The following ARHGAP44 variants were observed in gnomAD, a reference collection of about 807,000 sequenced individuals.
ARHGAP44 encodes the protein Rho GTPase activating protein 44.
ARHGAP44 carries 43 observed loss-of-function variants against 106.8 expected under a neutral mutation model. The observed-to-expected ratio is 0.40, with a 90% CI of 0.32 to 0.52. ARHGAP44 has a LOEUF of 0.52. Among genes scored for constraint, ARHGAP44 ranks in the 20% least tolerant of loss-of-function variants. The pLI is 0.48. For missense variants in ARHGAP44, 866 were observed against 1,050.5 expected (o/e 0.82, Z 2.43); for synonymous variants, 439 against 410.3 (o/e 1.07, Z -0.85).
intron 1 of ARHGAP44, among the ~76,000 whole-genome samples, chr17:12,848,544 A>AT (rs143738684): frequency 0.041 from 6,278 of 151,978 alleles, 188 homozygotes; most frequent in East Asian, 0.13. Flanking sequence ...AAAACCCGTG[A>AT]TTTTTTTTAA....
At chr17:12,892,640 A>T (rs916847529) in intron 1 of ARHGAP44, among the ~76,000 whole-genome samples, 5 of 152,004 alleles carry the variant, frequency 3.3e-5, no homozygotes, top group African/African-American at 1.2e-4. Context: ...CTTTTGTTAT[A>T]GCCCCACAGG....
At chr17:12,915,235 C>T (rs2037871695) in intron 4 of ARHGAP44, among the ~76,000 whole-genome samples, 1 of 152,144 alleles carries the variant, frequency 6.6e-6, no homozygotes, top group Non-Finnish European at 1.5e-5. Flanking sequence ...GGCGGGGTTT[C>T]ACCATGTTGC....
At chr17:12,948,392 G>A (rs765048144) in intron 10 of ARHGAP44, among the ~76,000 whole-genome samples, 35 of 152,112 alleles carry the variant, frequency 2.3e-4, no homozygotes, top group African/African-American at 7.2e-4. Flanking sequence ...AGTGTAGGCC[G>A]GGTGCTGTGG....
intron 1 of ARHGAP44, among the ~76,000 whole-genome samples, chr17:12,859,071 G>GT (rs1387627822): frequency 1.3e-5 from 2 of 152,170 alleles, no homozygotes; most frequent in African/African-American, 4.8e-5. Flanking sequence ...TGAGATTTGG[G>GT]TGGGGACACA....
Position 12,955,631 on chromosome 17 carries a change from G to T in ARHGAP44, c.1137-236G>T, listed in dbSNP as rs2039107753. 6.8e-6 allele frequency: 3 copies of T among 439,894 alleles called. No homozygotes were observed. In the Admixed American group the frequency reaches 1.1e-4, roughly 16 times the overall value. 27.2% of individuals were successfully genotyped at this position (439,894 alleles called of 1,614,324 possible). A position where few individuals can be genotyped will look rare whatever the true frequency, so the allele number is the denominator to read the frequency against. On this transcript the variant is annotated intron_variant, in intron 13 of 20. Coordinates refer to ENST00000379672, the MANE Select transcript of ARHGAP44 (RefSeq NM_014859.6). ...AGGAAAGAAGGAGACTTTCTGGCCA[G>T]TGTTAGTTGAAGCAGATGTCGACAC...
At chr17:12,903,122 GAGA>G (rs2037433913) in intron 3 of ARHGAP44, among the ~76,000 whole-genome samples, 3 of 82,644 alleles carry the variant, frequency 3.6e-5, no homozygotes, top group African/African-American at 5.0e-5. Context: ...GAGAGAGAGA[GAGA>G]GGAGAGAGAG....
At chr17:12,814,195 C>T (rs1008175793) in intron 1 of ARHGAP44, among the ~76,000 whole-genome samples, 2 of 150,592 alleles carry the variant, frequency 1.3e-5, no homozygotes, top group African/African-American at 4.9e-5. Context: ...CCAGGTCACA[C>T]ACCCTTCCCT....
In ARHGAP44 at chr17:12,799,723, G is replaced by A. The variant is rs1448452309; in HGVS notation, c.53+9832G>A. Among the ~76,000 whole-genome samples the A allele has an allele frequency of 5.3e-5, 8 of 152,068 alleles. No individual in the cohort carries two copies. The East Asian group carries it at 5.8e-4, about 11-fold the overall frequency. ...ATGCTCACTGCAAACTCTGCCTCCC[G>A]GGTTCAAGTGATTCTTCTGCCTCAG... On this transcript the variant is annotated intron_variant, in intron 1 of 20. Coordinates refer to ENST00000379672, the MANE Select transcript of ARHGAP44 (RefSeq NM_014859.6).
intron 1 of ARHGAP44, among the ~76,000 whole-genome samples, chr17:12,864,471 G>T (rs940776116): frequency 3.9e-5 from 6 of 152,030 alleles, no homozygotes; most frequent in African/African-American, 1.5e-4. Context: ...ATGAGTATTT[G>T]CATCTAGTAT....
chr17:12,800,137 C>T lies in ARHGAP44; in HGVS notation c.53+10246C>T, dbSNP rs75892264. Among the ~76,000 whole-genome samples the T allele has an allele frequency of 4.9e-3, 745 of 152,220 alleles. 32 individuals are homozygous for T. In the East Asian group the frequency reaches 0.087, roughly 18 times the overall value. ...GACAGTTATTACCAATATTCCTTGC[C>T]GTGCTGAAAGTGTCTTTGACATGAA... On this transcript the variant is annotated intron_variant, in intron 1 of 20. Coordinates refer to ENST00000379672, the MANE Select transcript of ARHGAP44 (RefSeq NM_014859.6).
At chr17:12,881,333 C>G (rs1798192350) in intron 1 of ARHGAP44, among the ~76,000 whole-genome samples, 1 of 151,852 alleles carries the variant, frequency 6.6e-6, no homozygotes, top group Non-Finnish European at 1.5e-5. Flanking sequence ...TGGTATTTGA[C>G]TTTTGTGTAC....
At chr17:12,827,818 C>T (rs2034965124) in intron 1 of ARHGAP44, among the ~76,000 whole-genome samples, 1 of 151,910 alleles carries the variant, frequency 6.6e-6, no homozygotes, top group Admixed American at 6.6e-5. Flanking sequence ...ATGGGTGGAT[C>T]TCTTGAGGTC....
At chr17:12,948,048 A>G (rs570789128) in intron 10 of ARHGAP44, among the ~76,000 whole-genome samples, 2 of 152,358 alleles carry the variant, frequency 1.3e-5, no homozygotes, top group African/African-American at 4.8e-5. Context: ...CTGCTTGTTT[A>G]TCAGCCTGTG....
chr17:12,884,443 A>C (rs1216719571), intron 1 of ARHGAP44, among the ~76,000 whole-genome samples: 2 of 152,222 alleles, frequency 1.3e-5, no homozygotes, highest in Admixed American at 6.5e-5. Context: ...AAATCTGCTA[A>C]GAGCTTAGAA....
chr17:12,802,967 A>T (rs1423285584), intron 1 of ARHGAP44, among the ~76,000 whole-genome samples: 10,638 of 31,590 alleles, frequency 0.34, 1,979 homozygotes, highest in African/African-American at 0.6. Context: ...ATATATATAT[A>T]TATTTTTTTT....
chr17:12,817,262 G>T (rs1051772749), intron 1 of ARHGAP44, among the ~76,000 whole-genome samples: 3 of 152,068 alleles, frequency 2.0e-5, no homozygotes, highest in African/African-American at 7.2e-5. Flanking sequence ...TGCATCTAAT[G>T]ATTGGAGGGA....
At chr17:12,811,347 T>G (rs989675739) in intron 1 of ARHGAP44, among the ~76,000 whole-genome samples, 10 of 149,206 alleles carry the variant, frequency 6.7e-5, no homozygotes, top group Non-Finnish European at 4.4e-5. Flanking sequence ...AAAGAGAAAA[T>G]GTATTTACCA....
At chr17:12,877,913 C>A (rs2036606388) in intron 1 of ARHGAP44, among the ~76,000 whole-genome samples, 1 of 152,172 alleles carries the variant, frequency 6.6e-6, no homozygotes, top group Non-Finnish European at 1.5e-5. Context: ...ACATAAATGT[C>A]TTTTTGGATG....
intron 1 of ARHGAP44, among the ~76,000 whole-genome samples, chr17:12,857,265 C>T (rs766741638): frequency 2.0e-5 from 3 of 152,126 alleles, no homozygotes; most frequent in East Asian, 1.9e-4. Flanking sequence ...AACTGAACAC[C>T]ACAGACTGGG....
Sources: gnomAD v4.1 joint callset for allele counts (sites outside exome capture counted in the v4.1 genomes callset) on GRCh38, gnomAD v4.1.1 for gene constraint, MANE v1.5 for transcripts, NCBI Gene and HGNC (gene_info 2026-07-23, HGNC 2026-07-21) for gene names.